Variants in SLC35F3 observed in about 807,000 individuals in gnomAD.
SLC35F3 encodes the protein putative thiamine transporter SLC35F3.
SLC35F3 carries 25 observed loss-of-function variants against 49.9 expected under a neutral mutation model. That is an observed-to-expected ratio of 0.50 (90% CI 0.37 to 0.70). SLC35F3 has a LOEUF of 0.70. SLC35F3 is among the 30% of genes least tolerant of loss of function. SLC35F3 has a pLI of 0.00. For missense variants in SLC35F3, 525 were observed against 639.8 expected (o/e 0.82, Z 1.94); for synonymous variants, 275 against 265.4 (o/e 1.04, Z -0.35).
chr1:234,048,567 C>G (rs1179364838), intron 2 of SLC35F3, among the ~76,000 whole-genome samples: 1 of 151,568 alleles, frequency 6.6e-6, no homozygotes, highest in Non-Finnish European at 1.5e-5. Context: ...GATCATGGGT[C>G]AAAACTGCCT....
chr1:233,955,197 C>CT (rs1662676697), intron 2 of SLC35F3, among the ~76,000 whole-genome samples: 1 of 152,176 alleles, frequency 6.6e-6, no homozygotes, highest in Non-Finnish European at 1.5e-5. Context: ...TGTTGGCTGG[C>CT]TTCCTGTTAT....
Position 234,231,508 on chromosome 1 carries a change from G to C in SLC35F3, c.375G>C (p.Trp125Cys). Residue 125 changes from tryptophan (W) to cysteine (C), a missense_variant, in exon 3 of 8, where the codon TGG becomes TGC. Trp to Cys is a radical substitution (Grantham distance 215). Around this residue, in one of 4 missense-constraint regions of SLC35F3, gnomAD observed 228 missense variants for 218.9 expected, o/e 1.04. Coordinates refer to ENST00000366618, the MANE Select transcript of SLC35F3 (RefSeq NM_173508.4). The surrounding 1 kb of genome is among the most constrained non-coding windows in gnomAD (Gnocchi z 5.4). The part of the protein sequence containing the change: ...EAGGRASRRC[W>C]TCSRAQLKKI... Reference sequence around the variant, plus strand: ...GCGGGAGAGCGAGTCGCCGCTGCTGGACGTGCTCCCGGGCGCAACTCAAGA... The same window carrying C: ...GCGGGAGAGCGAGTCGCCGCTGCTGCACGTGCTCCCGGGCGCAACTCAAGA... 6.2e-7 allele frequency: 1 copy of C among 1,613,682 alleles called. No homozygotes were observed. Among genetic ancestry groups the C allele is most frequent in the Non-Finnish European group, 8.5e-7 (1 of 1,179,834 alleles).
At chr1:234,260,158 C>T (rs1667881246) in intron 3 of SLC35F3, among the ~76,000 whole-genome samples, 1 of 152,134 alleles carries the variant, frequency 6.6e-6, no homozygotes, top group Admixed American at 6.5e-5. Context: ...CTGTACATCA[C>T]ACTCCTTAGT....
At chr1:234,118,528 A>T (rs1022319003) in intron 2 of SLC35F3, among the ~76,000 whole-genome samples, 2 of 152,164 alleles carry the variant, frequency 1.3e-5, no homozygotes, top group Non-Finnish European at 2.9e-5. Context: ...AAGAAAGAGG[A>T]GGAGAGAGAG....
chr1:234,070,243 A>G (rs1187874789), intron 2 of SLC35F3, among the ~76,000 whole-genome samples: 10 of 152,170 alleles, frequency 6.6e-5, no homozygotes, highest in Non-Finnish European at 1.2e-4. Context: ...TCCTTCATAC[A>G]GCAGGTTCCT....
In SLC35F3 at chr1:234,027,408, C is replaced by G. The variant is rs951419443; in HGVS notation, c.283+121650C>G. 6.6e-6 allele frequency among the ~76,000 whole-genome samples: 1 copy of G among 152,224 alleles called. No individual in the cohort carries two copies. On this transcript the variant is annotated intron_variant, in intron 2 of 7. Coordinates refer to ENST00000366618, the MANE Select transcript of SLC35F3 (RefSeq NM_173508.4). This position sits in a 1 kb window ranked among gnomAD's most constrained non-coding sequence, Gnocchi z 4.1. The stretch of plus-strand genomic sequence containing the variant: ...CTGAAGCCTGGCAGTGGCCACCACC[C>G]GCAGCTGAGGAAAACTGCCTGGAGA...
intron 2 of SLC35F3, among the ~76,000 whole-genome samples, chr1:234,117,297 A>G (rs903109860): frequency 3.9e-5 from 6 of 152,242 alleles, no homozygotes; most frequent in African/African-American, 1.4e-4. Flanking sequence ...TCACCCTAAT[A>G]CAATATACAA....
chr1:233,965,607 A>T (rs1662890806), intron 2 of SLC35F3, among the ~76,000 whole-genome samples: 1 of 152,206 alleles, frequency 6.6e-6, no homozygotes, highest in African/African-American at 2.4e-5. Context: ...CCAACATCAG[A>T]AAGAAGCCAA....
At chr1:234,047,082 G>A (rs1405453188) in intron 2 of SLC35F3, among the ~76,000 whole-genome samples, 1 of 152,054 alleles carries the variant, frequency 6.6e-6, no homozygotes, top group African/African-American at 2.4e-5. Flanking sequence ...TTGTAGAAAC[G>A]CTTTTTGAGA....
intron 2 of SLC35F3, among the ~76,000 whole-genome samples, chr1:234,145,245 A>G (rs80083195): frequency 0.027 from 4,071 of 152,296 alleles, 105 homozygotes; most frequent in Non-Finnish European, 0.042. Context: ...CAGGAACAAA[A>G]TCCACTTTGG....
intron 3 of SLC35F3, among the ~76,000 whole-genome samples, chr1:234,236,859 A>G (rs1223279971): frequency 6.7e-6 from 1 of 149,674 alleles, no homozygotes; most frequent in African/African-American, 2.5e-5. Flanking sequence ...TGTGGATGAC[A>G]ATTGTTGTTC....
intron 3 of SLC35F3, among the ~76,000 whole-genome samples, chr1:234,267,572 T>A (rs1173283054): frequency 7.2e-6 from 1 of 139,236 alleles, no homozygotes; most frequent in Admixed American, 7.1e-5. Context: ...CACTTCCCAG[T>A]AGGGGCGGCC....
intron 2 of SLC35F3, among the ~76,000 whole-genome samples, chr1:234,176,669 C>T (rs1572082348): frequency 6.6e-6 from 1 of 152,236 alleles, no homozygotes; most frequent in East Asian, 1.9e-4. Context: ...CTGTCTGAAG[C>T]ATTCTACTTC....
chr1:234,039,250 G>C (rs1027298808), intron 2 of SLC35F3, among the ~76,000 whole-genome samples: 3 of 152,200 alleles, frequency 2.0e-5, no homozygotes, highest in Non-Finnish European at 4.4e-5. Flanking sequence ...GGAGCATACA[G>C]TGATAGAAAG....
chr1:234,170,906 C>G (rs1014928064), intron 2 of SLC35F3, among the ~76,000 whole-genome samples: 1 of 152,234 alleles, frequency 6.6e-6, no homozygotes, highest in African/African-American at 2.4e-5. Flanking sequence ...CCAAAGCAGT[C>G]TTGTTGGGTG....
chr1:234,171,222 G>T (rs893197826), intron 2 of SLC35F3, among the ~76,000 whole-genome samples: 1 of 152,206 alleles, frequency 6.6e-6, no homozygotes, highest in Non-Finnish European at 1.5e-5. Context: ...CTCTCCAGGG[G>T]ATTCTGCATA....
At chr1:234,258,466 A>AGGAGTTATCATTT (rs1667854329) in intron 3 of SLC35F3, among the ~76,000 whole-genome samples, 1 of 152,248 alleles carries the variant, frequency 6.6e-6, no homozygotes, top group Non-Finnish European at 1.5e-5. Flanking sequence ...CCTGAGCAGT[A>AGGAGTTATCATTT]AACAATGACT....
intron 2 of SLC35F3, among the ~76,000 whole-genome samples, chr1:233,930,785 A>T (rs190422148): frequency 6.6e-6 from 1 of 152,370 alleles, no homozygotes; most frequent in Admixed American, 6.5e-5. Flanking sequence ...TATTAAGAGA[A>T]TCTCAAGGAA....
chr1:234,212,706 ATTTG>A (rs1158976571), intron 2 of SLC35F3: 2 of 152,246 alleles, frequency 1.3e-5, no homozygotes, highest in Non-Finnish European at 2.9e-5. Flanking sequence ...ATTATGTGAT[ATTTG>A]TTTTAGTTAC....
Sources: gnomAD v4.1 joint callset for allele counts (sites outside exome capture counted in the v4.1 genomes callset) on GRCh38, gnomAD v4.1.1 for gene constraint, gnomAD v4.1.1 regional missense constraint, Gnocchi (gnomAD v3.1) non-coding constraint, MANE v1.5 for transcripts, NCBI Gene and HGNC (gene_info 2026-07-23, HGNC 2026-07-21) for gene names.